ECT2: variants seen among roughly 807,000 people sequenced by gnomAD.
ECT2 encodes the protein epithelial cell transforming 2, also known as protein ECT2.
A neutral mutation model predicts 116.9 loss-of-function variants in ECT2; 61 were observed. That is an observed-to-expected ratio of 0.52 (90% CI 0.42 to 0.65). ECT2 has a LOEUF of 0.65. ECT2 is among the 30% of genes least tolerant of loss of function. The pLI, the probability that ECT2 is intolerant of heterozygous loss-of-function variation, is 0.00. For synonymous variants in ECT2, 358 were observed against 346.4 expected, an observed-to-expected ratio of 1.03 and a Z score of -0.37; for missense variants, 937 against 1,078.7, an observed-to-expected ratio of 0.87 and a Z score of 1.84.
intron 14 of ECT2, among the ~76,000 whole-genome samples, chr3:172,776,873 G>GTTTT (rs34685201): frequency 3.5e-5 from 5 of 144,006 alleles, no homozygotes; most frequent in African/African-American, 2.5e-5. Flanking sequence ...AAACGGGTTT[G>GTTTT]TTTTTTTTTT....
chr3:172,782,635 C>T (rs1197175981), intron 15 of ECT2, among the ~76,000 whole-genome samples: 1 of 152,146 alleles, frequency 6.6e-6, no homozygotes, highest in East Asian at 1.9e-4. Context: ...TTTCGTCACC[C>T]AGGCGTTAAG....
At chr3:172,826,370 T>A (rs185995003), downstream of ECT2, among the ~76,000 whole-genome samples, 269 of 152,326 alleles carry the variant, frequency 1.8e-3, 6 homozygotes, top group African/African-American at 6.3e-3. Flanking sequence ...TTGTGCTCTA[T>A]AAATGGAATA....
chr3:172,812,001 G>A (rs1260931254), intron 22 of ECT2, among the ~76,000 whole-genome samples: 1 of 143,824 alleles, frequency 7.0e-6, no homozygotes, highest in South Asian at 2.2e-4. Flanking sequence ...TTTTTTTTTG[G>A]GAGACAAAGT....
Position 172,807,873 on chromosome 3 carries a change from G to C in ECT2, c.2349G>C (p.Trp783Cys). The change falls in exon 22 of 25, where the codon TGG becomes TGC. Residue 783 changes from tryptophan (W) to cysteine (C), a missense_variant. Transcript: ENST00000392692. The stretch of plus-strand genomic sequence containing the variant: ...CAGATGAACTTCCAAAAGAAAACTG[G>C]CTAAAGATGCTGTGTCGACATGTAG... ...MTSDELPKEN[W>C]LKMLCRHVAN... 6.2e-7 allele frequency: 1 copy of C among 1,613,928 alleles called. No homozygotes were observed. The highest frequency in any genetic ancestry group is 8.5e-7 in the Non-Finnish European group (1 of 1,179,862).
the ECT2 span, among the ~76,000 whole-genome samples, chr3:172,826,660 T>C: frequency 3.3e-5 from 5 of 152,302 alleles, no homozygotes; most frequent in South Asian, 1.0e-3. Context: ...TGAGAGGAAG[T>C]CAACTACTGT....
chr3:172,768,872 A>T (rs543891237), intron 12 of ECT2, 135 bp from the exon 13 acceptor site: 28 of 1,069,584 alleles, frequency 2.6e-5, no homozygotes, highest in African/African-American at 2.0e-4. Context: ...TGAGAAAAAA[A>T]TTTTTTATTG....
intron 5 of ECT2, among the ~76,000 whole-genome samples, chr3:172,757,538 C>T (rs1223851906): frequency 1.3e-5 from 2 of 151,592 alleles, no homozygotes; most frequent in African/African-American, 4.8e-5. Context: ...GCCTCAGCCT[C>T]CCCAGTAGCT....
chr3:172,779,064 A>G (rs1324214839), intron 14 of ECT2, among the ~76,000 whole-genome samples: 2 of 152,228 alleles, frequency 1.3e-5, no homozygotes, highest in African/African-American at 2.4e-5. Context: ...CATTTAGAGG[A>G]ATCCCTAACA....
downstream of ECT2, chr3:172,821,549 CT>C (rs1730683955): frequency 6.6e-6 from 1 of 151,864 alleles, no homozygotes. Flanking sequence ...AACATATGCT[CT>C]TTTGTGTACT....
At chr3:172,812,443 ACT>A in intron 22 of ECT2, among the ~76,000 whole-genome samples, 1 of 152,216 alleles carries the variant, frequency 6.6e-6, no homozygotes, top group Admixed American at 6.5e-5. Flanking sequence ...ATAAATTATC[ACT>A]GTTTTTAATT....
chr3:172,823,709 A>G (rs1234199938), downstream of ECT2, among the ~76,000 whole-genome samples: 3 of 152,162 alleles, frequency 2.0e-5, no homozygotes, highest in African/African-American at 7.2e-5. Flanking sequence ...CATTATGTCT[A>G]AAAAAACAAT....
chr3:172,766,004 A>T (rs1040023031), intron 12 of ECT2, among the ~76,000 whole-genome samples: 1 of 152,228 alleles, frequency 6.6e-6, no homozygotes, highest in Non-Finnish European at 1.5e-5. Flanking sequence ...AGTTCTTACG[A>T]TAGAAATTAC....
chr3:172,827,235 C>T, the ECT2 span, among the ~76,000 whole-genome samples: 25 of 152,066 alleles, frequency 1.6e-4, no homozygotes, highest in Non-Finnish European at 3.7e-4. Flanking sequence ...CTCAAAAAAG[C>T]TAAAAATGGA....
At chr3:172,823,282 G>A (rs1414694729), downstream of ECT2, among the ~76,000 whole-genome samples, 1 of 152,054 alleles carries the variant, frequency 6.6e-6, no homozygotes, top group Admixed American at 6.5e-5. Flanking sequence ...TACATTTAGA[G>A]TGTAAGGAGA....
At chr3:172,769,870 G>A in intron 13 of ECT2, among the ~76,000 whole-genome samples, 1 of 152,256 alleles carries the variant, frequency 6.6e-6, no homozygotes, top group East Asian at 1.9e-4. Flanking sequence ...TTAAGAAAAT[G>A]AAGTTGGTAA....
At chr3:172,768,294 G>A (rs1027010609) in intron 12 of ECT2, among the ~76,000 whole-genome samples, 7 of 151,994 alleles carry the variant, frequency 4.6e-5, no homozygotes, top group African/African-American at 1.7e-4. Flanking sequence ...TATTTTAGCT[G>A]TACAAAGATT....
At chr3:172,819,833 A>G (rs1201601532) in intron 24 of ECT2, among the ~76,000 whole-genome samples, 2 of 152,148 alleles carry the variant, frequency 1.3e-5, no homozygotes, top group Non-Finnish European at 2.9e-5. Flanking sequence ...ATAACCTGAA[A>G]CACTGAATCA....
intron 20 of ECT2, among the ~76,000 whole-genome samples, chr3:172,805,360 A>G (rs1363458468): frequency 6.6e-6 from 1 of 152,152 alleles, no homozygotes; most frequent in Non-Finnish European, 1.5e-5. Context: ...AAATCATTTA[A>G]TTGTTTTGCT....
At chr3:172,774,950 G>A (rs1291650543) in intron 14 of ECT2, among the ~76,000 whole-genome samples, 1 of 151,958 alleles carries the variant, frequency 6.6e-6, no homozygotes, top group Admixed American at 6.6e-5. Context: ...TTTTTGTTTT[G>A]CTTTGGCTTG....
Sources: gnomAD v4.1 joint callset for allele counts (sites outside exome capture counted in the v4.1 genomes callset) on GRCh38, gnomAD v4.1.1 for gene constraint, MANE v1.5 for transcripts, NCBI Gene and HGNC (gene_info 2026-07-23, HGNC 2026-07-21) for gene names.